Variants in DCAKD observed in about 807,000 individuals in gnomAD.
DCAKD encodes dephospho-CoA kinase domain containing.
A neutral mutation model predicts 18.7 loss-of-function variants in DCAKD; 15 were observed. That is an observed-to-expected ratio of 0.80 (90% CI 0.54 to 1.24). The LOEUF (loss-of-function observed/expected upper bound fraction) is 1.24, where lower values mean the gene tolerates loss of function less well. DCAKD is among the 50% of genes most tolerant of loss of function. The pLI, the probability that DCAKD is intolerant of heterozygous loss-of-function variation, is 0.00. For missense variants in DCAKD, 301 were observed against 322.0 expected (o/e 0.93, Z 0.50); for synonymous variants, 130 against 133.0 (o/e 0.98, Z 0.16).
chr17:45,025,313 T>C (rs771189074), intron 4 of DCAKD, among the ~76,000 whole-genome samples: 4 of 152,138 alleles, frequency 2.6e-5, no homozygotes, highest in Non-Finnish European at 1.5e-5. Context: ...ATGGTATCTC[T>C]TGTGCTTAAT....
intron 1 of DCAKD, among the ~76,000 whole-genome samples, chr17:45,050,610 C>T (rs960928623): frequency 6.6e-6 from 1 of 152,106 alleles, no homozygotes; most frequent in African/African-American, 2.4e-5. Flanking sequence ...TCACCCCTTT[C>T]CCCAGGCCTA....
intron 3 of DCAKD, chr17:45,030,960 C>T (rs1421651367): frequency 3.4e-5 from 33 of 984,912 alleles, no homozygotes; most frequent in East Asian, 1.1e-4. Context: ...TGAGCACATC[C>T]GTAGGCTGCT....
At chr17:45,046,239 A>G (rs952199273) in intron 1 of DCAKD, among the ~76,000 whole-genome samples, 1 of 152,188 alleles carries the variant, frequency 6.6e-6, no homozygotes, top group Non-Finnish European at 1.5e-5. Context: ...TGTGGGAGAG[A>G]GTGCCTAGGA....
chr17:45,041,094 CCCT>C (rs1221831852), intron 1 of DCAKD, among the ~76,000 whole-genome samples: 2 of 152,078 alleles, frequency 1.3e-5, no homozygotes, highest in East Asian at 3.9e-4. Flanking sequence ...TGACCTGACC[CCCT>C]CGTCCCGGCC....
rs2053008211 is a variant in DCAKD at position 45,024,339 on chromosome 17, G to GTGT, written c.*93_*94insACA. 5.7e-5 allele frequency: 1 copy of GTGT among 17,556 alleles called. No individual in the cohort carries two copies. The highest frequency in any genetic ancestry group is 9.1e-5 in the Non-Finnish European group (1 of 10,938). 1.1% of individuals were successfully genotyped at this position (17,556 alleles called of 1,614,324 possible). A position where few individuals can be genotyped will look rare whatever the true frequency, so the allele number is the denominator to read the frequency against. On this transcript the variant is annotated 3_prime_UTR_variant, in exon 5 of 5. Transcript: ENST00000651974. ...TGTGTGTGTGTGTGTGTGTGTGTGTGGGGAGGGGGCTGAGAGGAAACAGGA... is the reference window on the plus strand; with the variant it reads ...TGTGTGTGTGTGTGTGTGTGTGTGTGTGTGGGAGGGGGCTGAGAGGAAACAGGA...
intron 4 of DCAKD, 45 bp from the exon 5 acceptor site, chr17:45,024,769 A>G: frequency 3.3e-6 from 5 of 1,515,538 alleles, no homozygotes; most frequent in Non-Finnish European, 4.4e-6. Context: ...CCTCCCTCTC[A>G]CCCCAAGTTA....
upstream of DCAKD, chr17:45,054,012 G>A: frequency 2.0e-6 from 1 of 501,828 alleles, no homozygotes; most frequent in South Asian, 1.4e-5. Flanking sequence ...GTATATTGAG[G>A]AATTAAGTAA....
chr17:45,047,291 AT>A (rs1216272489), intron 1 of DCAKD, among the ~76,000 whole-genome samples: 1 of 151,780 alleles, frequency 6.6e-6, no homozygotes, highest in Non-Finnish European at 1.5e-5. Context: ...CACCCAGCTT[AT>A]TTTTTTCGAG....
intron 1 of DCAKD, among the ~76,000 whole-genome samples, chr17:45,041,501 G>A (rs1002934709): frequency 6.6e-6 from 1 of 151,850 alleles, no homozygotes; most frequent in South Asian, 2.1e-4. Context: ...TAGTAGAGAC[G>A]GGGTTTCACC....
chr17:45,033,800 A>G, intron 3 of DCAKD: 1 of 1,089,498 alleles, frequency 9.2e-7, no homozygotes, highest in Non-Finnish European at 1.2e-6. Flanking sequence ...CACAAATGAA[A>G]AAATGAGCTG....
chr17:45,031,162 C>T (rs1416441928), intron 3 of DCAKD: 1 of 985,302 alleles, frequency 1.0e-6, no homozygotes, highest in East Asian at 1.1e-4. Context: ...AGCACAGAAC[C>T]AGACACACAT....
rs2053252314 is a variant in DCAKD at position 45,034,768 on chromosome 17, A to G, written c.112+6T>C. On this transcript the variant is annotated splice_donor_region_variant and intron_variant, in intron 2 of 4. Transcript: ENST00000651974. ...CACGGCCCCCCAACCTGCCCCTCCA[A>G]CTCACCGTGCCGGGCCATCACGTCC... 3 of 1,613,730 alleles carry G rather than the reference A, an allele frequency of 1.9e-6. No homozygotes were observed. In the East Asian group the frequency reaches 6.7e-5, roughly 36 times the overall value.
chr17:45,036,126 C>T (rs2053292201), intron 1 of DCAKD, among the ~76,000 whole-genome samples: 2 of 152,206 alleles, frequency 1.3e-5, no homozygotes. Flanking sequence ...GGCTTCTTCA[C>T]ACCCAGCTCC....
At chr17:45,050,201 C>T (rs2053661826) in intron 1 of DCAKD, among the ~76,000 whole-genome samples, 1 of 151,876 alleles carries the variant, frequency 6.6e-6, no homozygotes, top group African/African-American at 2.4e-5. Context: ...CCACCATGTC[C>T]GGCTAATTTT....
At chr17:45,056,610 G>C (rs1200696061), upstream of DCAKD, among the ~76,000 whole-genome samples, 1 of 152,050 alleles carries the variant, frequency 6.6e-6, no homozygotes, top group African/African-American at 2.4e-5. Flanking sequence ...GAGTAGCTGG[G>C]ATTACAGGCG....
At chr17:45,026,894 G>A in intron 4 of DCAKD, 1 of 913,084 alleles carries the variant, frequency 1.1e-6, no homozygotes, top group Non-Finnish European at 1.3e-6. Flanking sequence ...CTGAAGGTGT[G>A]GCCCAGACCA....
At chr17:45,032,671 T>A (rs1476803638) in intron 3 of DCAKD, among the ~76,000 whole-genome samples, 2 of 151,626 alleles carry the variant, frequency 1.3e-5, no homozygotes, top group Non-Finnish European at 2.9e-5. Context: ...TAGTCCCAGC[T>A]ACTCGGGAGG....
At chr17:45,056,602 G>T (rs958471747), upstream of DCAKD, among the ~76,000 whole-genome samples, 18 of 152,030 alleles carry the variant, frequency 1.2e-4, no homozygotes, top group Admixed American at 1.1e-3. Context: ...AGCCTCCCGA[G>T]TAGCTGGGAT....
At chr17:45,032,621 A>G (rs2053195471) in intron 3 of DCAKD, among the ~76,000 whole-genome samples, 1 of 152,010 alleles carries the variant, frequency 6.6e-6, no homozygotes, top group Admixed American at 6.6e-5. Context: ...GATCTCTACT[A>G]AAAATACAAA....
Sources: gnomAD v4.1 joint callset for allele counts (sites outside exome capture counted in the v4.1 genomes callset) on GRCh38, gnomAD v4.1.1 for gene constraint, MANE v1.5 for transcripts, NCBI Gene and HGNC (gene_info 2026-07-23, HGNC 2026-07-21) for gene names.